TENM2: variants seen among roughly 807,000 people sequenced by gnomAD.
TENM2 encodes teneurin transmembrane protein 2, also known as teneurin-2.
Under a neutral mutation model 245.2 loss-of-function variants are expected in TENM2, and 52 were observed. The ratio of observed to expected loss-of-function variants is 0.21; its 90% confidence interval spans 0.17 to 0.27. TENM2 has a LOEUF of 0.27. TENM2 is among the 10% of genes least tolerant of loss of function. TENM2 has a pLI of 1.00. For missense variants in TENM2, 3,046 were observed against 3,666.8 expected, an observed-to-expected ratio of 0.83 and a Z score of 4.37; for synonymous variants, 1,363 against 1,438.9, an observed-to-expected ratio of 0.95 and a Z score of 1.19.
intron 2 of TENM2, among the ~76,000 whole-genome samples, chr5:167,458,494 C>CAAAAAAAAAA (rs70976430): frequency 1.6e-3 from 128 of 81,686 alleles, no homozygotes; most frequent in East Asian, 2.3e-3. Flanking sequence ...CTCAAAAAAA[C>CAAAAAAAAAA]AAAAAAAAAA....
At chr5:167,070,107 A>ATATTTATT in the TENM2 span, among the ~76,000 whole-genome samples, 3 of 54,962 alleles carry the variant, frequency 5.5e-5, no homozygotes, top group African/African-American at 2.6e-4. Context: ...CATTTGACAA[A>ATATTTATT]TATTTATTTA....
At chr5:167,284,003 A>C (rs1278012655), upstream of TENM2, among the ~76,000 whole-genome samples, 1 of 152,072 alleles carries the variant, frequency 6.6e-6, no homozygotes, top group Non-Finnish European at 1.5e-5. Context: ...CCAGCAATGA[A>C]GGTGACAGAA....
intron 2 of TENM2, among the ~76,000 whole-genome samples, chr5:167,865,359 G>A (rs575975749): frequency 1.5e-3 from 232 of 151,884 alleles, no homozygotes; most frequent in Admixed American, 4.0e-3. Context: ...CTGCAGCCTC[G>A]ACCTCCTGGG....
chr5:168,247,134 C>A lies in TENM2; in HGVS notation c.6195C>A (p.Tyr2065Ter). The A allele has an allele frequency of 6.2e-7, 1 of 1,613,870 alleles. No individual in the cohort carries two copies. The change falls in exon 27 of 29, where the codon TAC becomes TAA. Residue 2065 changes from tyrosine to a stop codon, truncating the protein, a stop_gained. Coordinates refer to ENST00000518659, the Ensembl canonical transcript of TENM2. LOFTEE classifies it high-confidence loss of function. This position sits in a 1 kb window ranked among gnomAD's most constrained non-coding sequence, Gnocchi z 7.8. ...GGGGCTTCTCCTGCACCATCAGGTA[C>A]CGGAAGATTGGCCCCCTGGTGGACA...
intron 2 of TENM2, among the ~76,000 whole-genome samples, chr5:167,427,534 TGGGAAGGAAG>T (rs1763910846): frequency 2.5e-5 from 1 of 39,452 alleles, no homozygotes; most frequent in African/African-American, 1.0e-4. Context: ...GAGGGAAGGA[TGGGAAGGAAG>T]GGAAGGACGG....
At chr5:167,798,467 C>G (rs1765473246) in intron 2 of TENM2, among the ~76,000 whole-genome samples, 1 of 152,192 alleles carries the variant, frequency 6.6e-6, no homozygotes, top group South Asian at 2.1e-4. Flanking sequence ...GGCACAGTAT[C>G]AGGCATTTCA....
chr5:167,862,778 A>G (rs1771939774), intron 2 of TENM2, among the ~76,000 whole-genome samples: 1 of 152,224 alleles, frequency 6.6e-6, no homozygotes, highest in African/African-American at 2.4e-5. Context: ...GGAAGATGCA[A>G]TTCGGGTTGT....
intron 9 of TENM2, among the ~76,000 whole-genome samples, chr5:168,104,747 C>T (rs1485311966): frequency 1.3e-5 from 2 of 152,112 alleles, no homozygotes; most frequent in Non-Finnish European, 2.9e-5. Context: ...GTTTATTCCG[C>T]AGCCCTCACA....
intron 2 of TENM2, among the ~76,000 whole-genome samples, chr5:167,485,420 C>T (rs999555014): frequency 2.0e-5 from 3 of 152,150 alleles, no homozygotes; most frequent in Non-Finnish European, 4.4e-5. Context: ...TGATTTAATA[C>T]ACAATTACAT....
At chr5:167,920,010 T>C (rs11952894) in intron 3 of TENM2, among the ~76,000 whole-genome samples, 14,553 of 151,934 alleles carry the variant, frequency 0.096, 1,717 homozygotes, top group African/African-American at 0.28. Context: ...CATTTCGGAG[T>C]GCCTGAGGAT....
At chr5:167,539,998 C>G (rs1207718096) in intron 2 of TENM2, among the ~76,000 whole-genome samples, 2 of 152,094 alleles carry the variant, frequency 1.3e-5, no homozygotes, top group Non-Finnish European at 2.9e-5. Flanking sequence ...AGGCTTTGAG[C>G]TTTCATGCAT....
intron 2 of TENM2, among the ~76,000 whole-genome samples, chr5:167,663,706 C>T (rs1455645519): frequency 6.6e-6 from 1 of 152,022 alleles, no homozygotes; most frequent in Non-Finnish European, 1.5e-5. Context: ...CTCTTATTCT[C>T]TCATATTTTA....
intron 2 of TENM2, among the ~76,000 whole-genome samples, chr5:167,379,766 A>G (rs1033570098): frequency 2.0e-5 from 3 of 152,152 alleles, no homozygotes; most frequent in Admixed American, 1.3e-4. Context: ...AGTGGTAAGA[A>G]TAGTGAAAGA....
chr5:168,099,535 A>G (rs796074097), intron 9 of TENM2, among the ~76,000 whole-genome samples: 2 of 152,112 alleles, frequency 1.3e-5, no homozygotes, highest in South Asian at 4.2e-4. Context: ...TTAATTATGC[A>G]TACGATTTTA....
intron 2 of TENM2, among the ~76,000 whole-genome samples, chr5:167,446,064 A>G (rs10475845): frequency 0.99 from 150,369 of 152,278 alleles, 74,270 homozygotes; most frequent in Middle Eastern, 1. Flanking sequence ...AAGCTACTCC[A>G]CTTCAAAAAT....
At chr5:168,068,406 C>T (rs913063153) in intron 7 of TENM2, among the ~76,000 whole-genome samples, 2 of 152,028 alleles carry the variant, frequency 1.3e-5, no homozygotes, top group Non-Finnish European at 2.9e-5. Context: ...GACCTTTATC[C>T]TCAAGTGAAA....
At chr5:167,008,323 T>G in the TENM2 span, among the ~76,000 whole-genome samples, 2 of 152,124 alleles carry the variant, frequency 1.3e-5, no homozygotes, top group Non-Finnish European at 2.9e-5. Flanking sequence ...GGAGTTGATA[T>G]AGTTTTAAAT....
chr5:167,792,701 A>C (rs910562463), intron 2 of TENM2, among the ~76,000 whole-genome samples: 2 of 150,982 alleles, frequency 1.3e-5, no homozygotes, highest in African/African-American at 4.9e-5. Context: ...ATAAATCTGC[A>C]TGGGGGTCTT....
At chr5:167,166,994 T>TGA in the TENM2 span, among the ~76,000 whole-genome samples, 4 of 152,166 alleles carry the variant, frequency 2.6e-5, no homozygotes, top group African/African-American at 9.7e-5. Context: ...TTCCTATAAT[T>TGA]GGCAAGACCA....
Sources: gnomAD v4.1 joint callset for allele counts (sites outside exome capture counted in the v4.1 genomes callset) on GRCh38, gnomAD v4.1.1 for gene constraint, Gnocchi (gnomAD v3.1) non-coding constraint, MANE v1.5 for transcripts, NCBI Gene and HGNC (gene_info 2026-07-23, HGNC 2026-07-21) for gene names.